B4GALT1: variants seen among roughly 807,000 people sequenced by gnomAD.
B4GALT1 encodes N-acetyllactosamine synthase.
Under a neutral mutation model 34.9 loss-of-function variants are expected in B4GALT1, and 16 were observed. The observed-to-expected ratio is 0.46, with a 90% CI of 0.31 to 0.70. The LOEUF (loss-of-function observed/expected upper bound fraction) is 0.70. Ranked by LOEUF, B4GALT1 falls within the 30% of genes least tolerant of loss-of-function variation. The pLI, the probability that B4GALT1 is intolerant of heterozygous loss-of-function variation, is 0.05. For missense variants in B4GALT1, 445 were observed against 530.5 expected (o/e 0.84, Z 1.58); for synonymous variants, 221 against 218.1 (o/e 1.01, Z -0.12).
At chr9:33,105,387 C>T (rs965999485) in intron 2 of B4GALT1, among the ~76,000 whole-genome samples, 19 of 151,950 alleles carry the variant, frequency 1.3e-4, no homozygotes, top group South Asian at 4.2e-4. Flanking sequence ...GTGATCCTCC[C>T]GCCTCAGCCT....
chr9:33,143,335 C>T (rs1179206926), intron 1 of B4GALT1, among the ~76,000 whole-genome samples: 1 of 152,198 alleles, frequency 6.6e-6, no homozygotes, highest in African/African-American at 2.4e-5. Flanking sequence ...TCTTCTAAAA[C>T]ATGACTTAAA....
At chr9:33,143,437 C>T (rs1840381938) in intron 1 of B4GALT1, among the ~76,000 whole-genome samples, 1 of 152,248 alleles carries the variant, frequency 6.6e-6, no homozygotes, top group South Asian at 2.1e-4. Context: ...TCCCACTCAA[C>T]CTTCAAAGGC....
chr9:33,123,285 A>AG (rs949454669), intron 2 of B4GALT1, among the ~76,000 whole-genome samples: 8 of 140,178 alleles, frequency 5.7e-5, no homozygotes, highest in African/African-American at 1.7e-4. Flanking sequence ...CTCAAAAAAA[A>AG]AAAAAAAAAA....
chr9:33,165,903 G>T (rs1224370683), intron 1 of B4GALT1, among the ~76,000 whole-genome samples: 1 of 152,130 alleles, frequency 6.6e-6, no homozygotes, highest in African/African-American at 2.4e-5. Context: ...AGATCATCTG[G>T]GCAAGATAAT....
chr9:33,151,824 A>G (rs1286736851), intron 1 of B4GALT1, among the ~76,000 whole-genome samples: 2 of 152,342 alleles, frequency 1.3e-5, no homozygotes, highest in East Asian at 1.9e-4. Context: ...GGAGTATTAC[A>G]TAAAGCTTCT....
Position 33,167,305 on chromosome 9 carries a change from T to A in B4GALT1, c.-136A>T. On this transcript the variant is annotated 5_prime_UTR_variant, in exon 1 of 6. Transcript: ENST00000379731. ...CGGGGGCGGGCGAGCGGCTGAGAGC[T>A]GAGACTCCTCCAGCCAGCCAGACCT... 1 of 1,169,004 alleles carries A rather than the reference T, an allele frequency of 8.6e-7. No homozygotes were observed. The highest frequency in any genetic ancestry group is 1.1e-6 in the Non-Finnish European group (1 of 888,260). The allele number at this position is 1,169,004 out of a possible 1,614,324, so 72.4% of individuals were successfully genotyped here.
At chr9:33,184,289 A>ACACACACACACACACAC in the B4GALT1 span, among the ~76,000 whole-genome samples, 1 of 100,836 alleles carries the variant, frequency 9.9e-6, no homozygotes, top group African/African-American at 4.3e-5. Context: ...CACACACACA[A>ACACACACACACACACAC]AAACATAGGA....
chr9:33,169,049 C>T (rs955630553), upstream of B4GALT1, among the ~76,000 whole-genome samples: 2 of 152,198 alleles, frequency 1.3e-5, no homozygotes, highest in Admixed American at 6.5e-5. Flanking sequence ...TCACCACCAG[C>T]CAACTCTGAT....
chr9:33,115,409 T>C (rs138589508), intron 4 of B4GALT1, among the ~76,000 whole-genome samples: 29 of 152,358 alleles, frequency 1.9e-4, no homozygotes, highest in Middle Eastern at 6.8e-3. Context: ...ATGCTACTGA[T>C]AGATGTTTTT....
intron 2 of B4GALT1, among the ~76,000 whole-genome samples, chr9:33,130,257 T>TA (rs1227630041): frequency 6.6e-6 from 1 of 152,152 alleles, no homozygotes; most frequent in Non-Finnish European, 1.5e-5. Flanking sequence ...TACCAGGTGG[T>TA]GACCTGCCCT....
upstream of B4GALT1, among the ~76,000 whole-genome samples, chr9:33,170,699 G>A (rs1840833020): frequency 6.6e-6 from 1 of 152,194 alleles, no homozygotes; most frequent in Non-Finnish European, 1.5e-5. Flanking sequence ...TGATCCACAG[G>A]CACCTAGAAG....
chr9:33,144,328 G>T (rs563951015), intron 1 of B4GALT1, among the ~76,000 whole-genome samples: 53 of 152,274 alleles, frequency 3.5e-4, no homozygotes, highest in African/African-American at 1.3e-3. Flanking sequence ...CCGCCTCCCA[G>T]GTTTCAAGCG....
intron 1 of B4GALT1, among the ~76,000 whole-genome samples, chr9:33,145,720 G>A (rs1289902522): frequency 6.6e-6 from 1 of 152,182 alleles, no homozygotes; most frequent in Non-Finnish European, 1.5e-5. Context: ...ATCTTCCAGG[G>A]TTCTGATATT....
At chr9:33,177,031 G>A in the B4GALT1 span, among the ~76,000 whole-genome samples, 1 of 152,118 alleles carries the variant, frequency 6.6e-6, no homozygotes, top group Non-Finnish European at 1.5e-5. Context: ...TTTACTTTGA[G>A]CATTTCTTTT....
chr9:33,172,141 A>G (rs556640376), upstream of B4GALT1, among the ~76,000 whole-genome samples: 1 of 152,318 alleles, frequency 6.6e-6, no homozygotes, highest in African/African-American at 2.4e-5. Context: ...TTTGTACTGC[A>G]GGTAGGCCAA....
chr9:33,114,651 G>T (rs992707752), intron 4 of B4GALT1, among the ~76,000 whole-genome samples: 1 of 152,232 alleles, frequency 6.6e-6, no homozygotes, highest in African/African-American at 2.4e-5. Context: ...GCCAGAACAG[G>T]GTGGAGGATT....
the B4GALT1 span, among the ~76,000 whole-genome samples, chr9:33,174,669 T>C: frequency 1.3e-5 from 2 of 150,106 alleles, no homozygotes; most frequent in Non-Finnish European, 3.0e-5. Flanking sequence ...GTATATCTTA[T>C]TGGGGGCCAG....
At chr9:33,181,133 T>A in the B4GALT1 span, among the ~76,000 whole-genome samples, 1 of 152,178 alleles carries the variant, frequency 6.6e-6, no homozygotes, top group East Asian at 1.9e-4. Context: ...TAAAAGTCTA[T>A]CCTTGGCCAG....
chr9:33,119,572 T>C (rs1300208014), intron 3 of B4GALT1, among the ~76,000 whole-genome samples: 4 of 152,196 alleles, frequency 2.6e-5, no homozygotes, highest in Non-Finnish European at 5.9e-5. Flanking sequence ...AAAAATTAGC[T>C]GGACATGCTG....
Sources: gnomAD v4.1 joint callset for allele counts (sites outside exome capture counted in the v4.1 genomes callset) on GRCh38, gnomAD v4.1.1 for gene constraint, MANE v1.5 for transcripts, NCBI Gene and HGNC (gene_info 2026-07-23, HGNC 2026-07-21) for gene names.